The following DLG5 variants were observed in gnomAD, a reference collection of about 807,000 sequenced individuals.
The protein encoded by DLG5 is discs large MAGUK scaffold protein 5.
A neutral mutation model predicts 189.8 loss-of-function variants in DLG5; 48 were observed. That is an observed-to-expected ratio of 0.25 (90% confidence interval 0.20 to 0.32). DLG5 has a LOEUF of 0.32. Among genes scored for constraint, DLG5 ranks in the 10% least tolerant of loss-of-function variants. The pLI, the probability that DLG5 is intolerant of heterozygous loss-of-function variation, is 1.00. For missense variants in DLG5, 2,160 were observed against 2,544.7 expected, an observed-to-expected ratio of 0.85 and a Z score of 3.25; for synonymous variants, 1,016 against 1,054.1, an observed-to-expected ratio of 0.96 and a Z score of 0.70.
chr10:77,906,742 A>G (rs1326887575), intron 1 of DLG5, among the ~76,000 whole-genome samples: 1 of 148,666 alleles, frequency 6.7e-6, no homozygotes, highest in East Asian at 2.0e-4. Flanking sequence ...CTCCTATCTC[A>G]GCCTCCCGAG....
rs549639968 is a variant in DLG5 at position 77,904,573 on chromosome 10, C to T, written c.304+21644G>A. On this transcript the variant is annotated intron_variant, in intron 1 of 31. Transcript: ENST00000372391. ...GGGGAGGTAACTGAATCATAAGGGCCGGTCTTTCCCATGCTATTCTTGTGA... is the reference window on the plus strand; with the variant it reads ...GGGGAGGTAACTGAATCATAAGGGCTGGTCTTTCCCATGCTATTCTTGTGA... 2.6e-3 allele frequency among the ~76,000 whole-genome samples: 403 copies of T among 152,076 alleles called. 2 individuals carry two copies. Among genetic ancestry groups the T allele is most frequent in the Admixed American group, 5.0e-3 (76 of 15,268 alleles).
At chr10:77,811,884 C>G (rs1170601754) in intron 22 of DLG5, 40 bp downstream of exon 22, 1 of 1,573,308 alleles carries the variant, frequency 6.4e-7, no homozygotes, top group Non-Finnish European at 8.6e-7. Context: ...ACCCACCTCT[C>G]CACCCCCAGC....
intron 2 of DLG5, among the ~76,000 whole-genome samples, chr10:77,861,160 A>T (rs1429705600): frequency 6.6e-6 from 1 of 152,180 alleles, no homozygotes; most frequent in Non-Finnish European, 1.5e-5. Flanking sequence ...CTCTACACCC[A>T]TGTGAGGATG....
chr10:77,873,031 G>GTGCCCA (rs201196944), intron 1 of DLG5, among the ~76,000 whole-genome samples: 4 of 45,488 alleles, frequency 8.8e-5, no homozygotes, highest in African/African-American at 2.1e-4. Flanking sequence ...GTGTGTGTGT[G>GTGCCCA]CACACACACA....
At chr10:77,866,075 T>TA (rs1291936563) in intron 2 of DLG5, among the ~76,000 whole-genome samples, 1 of 152,200 alleles carries the variant, frequency 6.6e-6, no homozygotes, top group Admixed American at 6.5e-5. Context: ...CATGTGACCT[T>TA]ACCAGCGGCC....
chr10:77,873,309 G>A (rs1215874507), intron 1 of DLG5, among the ~76,000 whole-genome samples: 3 of 152,044 alleles, frequency 2.0e-5, no homozygotes, highest in South Asian at 2.1e-4. Flanking sequence ...CAAGCCCCCA[G>A]GGCACATGCT....
chr10:77,919,815 T>C (rs1846482261), intron 1 of DLG5, among the ~76,000 whole-genome samples: 1 of 152,090 alleles, frequency 6.6e-6, no homozygotes, highest in Non-Finnish European at 1.5e-5. Context: ...ATCACAGACA[T>C]ACCGTGGGCG....
At chr10:77,865,091 G>T (rs964922837) in intron 2 of DLG5, among the ~76,000 whole-genome samples, 2 of 152,142 alleles carry the variant, frequency 1.3e-5, no homozygotes, top group African/African-American at 4.8e-5. Context: ...AGAACTAACT[G>T]CTTCTTCCCT....
intron 1 of DLG5, among the ~76,000 whole-genome samples, chr10:77,901,674 G>C (rs1329839204): frequency 2.0e-5 from 3 of 152,170 alleles, no homozygotes; most frequent in African/African-American, 7.2e-5. Flanking sequence ...TCACTTCTAG[G>C]CACAGGATGC....
chr10:77,807,699 G>A, intron 25 of DLG5, 97 bp downstream of exon 25: 2 of 1,416,446 alleles, frequency 1.4e-6, no homozygotes, highest in Non-Finnish European at 1.9e-6. Flanking sequence ...CAGCCTTGGG[G>A]GGCAAGAAAC....
intron 1 of DLG5, among the ~76,000 whole-genome samples, chr10:77,899,472 A>C (rs1845861173): frequency 6.6e-6 from 1 of 152,176 alleles, no homozygotes; most frequent in African/African-American, 2.4e-5. Flanking sequence ...CAGTTCCCTC[A>C]TCTGTAAAAT....
chr10:77,881,497 T>C (rs1845281115), intron 1 of DLG5, among the ~76,000 whole-genome samples: 1 of 152,186 alleles, frequency 6.6e-6, no homozygotes, highest in Non-Finnish European at 1.5e-5. Context: ...GCCAGCCTTG[T>C]CCTCTAGTCC....
At chr10:77,875,172 C>T (rs1055954174) in intron 1 of DLG5, among the ~76,000 whole-genome samples, 4 of 152,308 alleles carry the variant, frequency 2.6e-5, no homozygotes, top group Non-Finnish European at 4.4e-5. Flanking sequence ...TCTACCCCAG[C>T]GCCTGTGCTC....
At chr10:77,807,715 G>A (rs1841547829) in intron 25 of DLG5, 81 bp downstream of exon 25, 3 of 1,499,456 alleles carry the variant, frequency 2.0e-6, no homozygotes, top group African/African-American at 1.4e-5. Context: ...GAAACAGAGA[G>A]CCATTCACCA....
At chr10:77,832,812 C>A (rs1842943736) in intron 9 of DLG5, among the ~76,000 whole-genome samples, 1 of 152,196 alleles carries the variant, frequency 6.6e-6, no homozygotes, top group Non-Finnish European at 1.5e-5. Context: ...CCCCTTGATT[C>A]CATCACATTG....
At chr10:77,811,573 C>T (rs1041563757) in intron 22 of DLG5, among the ~76,000 whole-genome samples, 2 of 152,136 alleles carry the variant, frequency 1.3e-5, no homozygotes, top group Non-Finnish European at 2.9e-5. Flanking sequence ...TTCTGCCCTT[C>T]AACCCACAGC....
chr10:77,933,849 C>T, the DLG5 span, among the ~76,000 whole-genome samples: 27 of 152,214 alleles, frequency 1.8e-4, no homozygotes, highest in South Asian at 5.6e-3. Context: ...TATATGGCTA[C>T]AGGGACTTCA....
Position 77,842,002 on chromosome 10 carries a change from C to T in DLG5, c.1316G>A (p.Arg439His), listed in dbSNP as rs974351280. ...YSEYKLIMSERDQVISELDKL... is the reference protein window; with the variant it reads ...YSEYKLIMSEHDQVISELDKL... Reference sequence around the variant, plus strand: ...GTCCAGCTCAGAGATGACCTGGTCACGCTCACTCATGATGAGCTTGTACTC... The same window carrying T: ...GTCCAGCTCAGAGATGACCTGGTCATGCTCACTCATGATGAGCTTGTACTC... Residue 439 changes from arginine (R) to histidine (H), a missense_variant, in exon 7 of 32, where the codon CGT becomes CAT. This residue lies in a region of DLG5 where 664 missense variants were observed against 838.5 expected (regional missense o/e 0.79). Transcript: ENST00000372391. 1.2e-6 allele frequency: 2 copies of T among 1,614,224 alleles called. No individual in the cohort carries two copies. The highest frequency in any genetic ancestry group is 1.7e-6 in the Non-Finnish European group (2 of 1,180,046).
At chr10:77,905,582 T>C (rs1465769704) in intron 1 of DLG5, among the ~76,000 whole-genome samples, 1 of 152,154 alleles carries the variant, frequency 6.6e-6, no homozygotes, top group Non-Finnish European at 1.5e-5. Context: ...CCCCACCTGG[T>C]GACCTTAACA....
Sources: allele counts gnomAD v4.1 joint callset (sites outside exome capture counted in the v4.1 genomes callset), GRCh38; gene constraint gnomAD v4.1.1; regional missense constraint gnomAD v4.1.1; transcripts MANE v1.5; gene names NCBI Gene and HGNC (gene_info 2026-07-23, HGNC 2026-07-21).